The following JAM2 variants were observed in gnomAD, a reference collection of about 807,000 sequenced individuals.
JAM2 encodes junctional adhesion molecule B.
Under a neutral mutation model 42.0 loss-of-function variants are expected in JAM2, and 17 were observed. That is an observed-to-expected ratio of 0.40 (90% confidence interval 0.28 to 0.61). The LOEUF (loss-of-function observed/expected upper bound fraction) is 0.61, where lower values mean the gene tolerates loss of function less well. Ranked by LOEUF, JAM2 falls within the 20% of genes least tolerant of loss-of-function variation. The pLI is 0.37. For synonymous variants in JAM2, 118 were observed against 128.6 expected (o/e 0.92, Z 0.56); for missense variants, 319 against 358.3 (o/e 0.89, Z 0.89).
intron 4 of JAM2, among the ~76,000 whole-genome samples, chr21:25,695,059 T>C (rs1403496496): frequency 1.3e-5 from 2 of 151,376 alleles, no homozygotes; most frequent in Admixed American, 6.6e-5. Context: ...AGGACAATAG[T>C]GGAGGGAAGG....
chr21:25,647,018 G>T (rs1279552235), intron 1 of JAM2, among the ~76,000 whole-genome samples: 1 of 152,148 alleles, frequency 6.6e-6, no homozygotes, highest in Non-Finnish European at 1.5e-5. Flanking sequence ...GCATAACCTG[G>T]TCTGTCTTCT....
chr21:25,673,129 C>T (rs573881834), intron 1 of JAM2, among the ~76,000 whole-genome samples: 4 of 152,294 alleles, frequency 2.6e-5, no homozygotes, highest in Admixed American at 1.3e-4. Context: ...ATGAGGAGTG[C>T]CTGGTGAGAC....
At chr21:25,694,872 C>T (rs191793757) in intron 4 of JAM2, among the ~76,000 whole-genome samples, 2 of 150,740 alleles carry the variant, frequency 1.3e-5, no homozygotes, top group African/African-American at 4.9e-5. Context: ...CTGATAGTAA[C>T]AGCTCAAGAT....
Position 25,639,855 on chromosome 21 carries a change from C to T in JAM2, c.34C>T (p.Leu12=). The change falls in exon 1 of 10, where the codon CTG becomes TTG. Residue 12 remains leucine, a synonymous_variant. Coordinates refer to ENST00000480456, the MANE Select transcript of JAM2 (RefSeq NM_021219.4). Reference sequence around the variant, plus strand: ...GAGGAGCCGCCACCGCCTCCTCCTGCTGCTGCTGCGCTACCTGGTGGTCGC... The same window carrying T: ...GAGGAGCCGCCACCGCCTCCTCCTGTTGCTGCTGCGCTACCTGGTGGTCGC... ...ARRSRHRLLL[L]LLRYLVVALG... The T allele has an allele frequency of 6.3e-6, 10 of 1,595,164 alleles. No homozygotes were observed. Among genetic ancestry groups the T allele is most frequent in the Non-Finnish European group, 8.5e-6 (10 of 1,172,450 alleles).
intron 1 of JAM2, among the ~76,000 whole-genome samples, chr21:25,676,787 G>T (rs1006441750): frequency 6.6e-6 from 1 of 152,126 alleles, no homozygotes; most frequent in Non-Finnish European, 1.5e-5. Context: ...GCCAACAGGG[G>T]CTATACCTAA....
At chr21:25,710,716 G>C (rs2034366771) in intron 8 of JAM2, among the ~76,000 whole-genome samples, 1 of 152,214 alleles carries the variant, frequency 6.6e-6, no homozygotes, top group South Asian at 2.1e-4. Flanking sequence ...AAGTAGCGGT[G>C]GGGGCAGATT....
intron 8 of JAM2, 150 bp downstream of exon 8, chr21:25,709,599 G>A (rs78893399): frequency 4.2e-6 from 2 of 481,662 alleles, no homozygotes; most frequent in Admixed American, 3.1e-5. Flanking sequence ...AAATACATCT[G>A]TATTAGGCTG....
intron 1 of JAM2, among the ~76,000 whole-genome samples, chr21:25,657,193 T>G (rs1600999703): frequency 6.6e-6 from 1 of 152,338 alleles, no homozygotes; most frequent in East Asian, 1.9e-4. Context: ...ATTTATTTTT[T>G]TGTAGAGATG....
chr21:25,656,258 A>AT (rs1295819616), intron 1 of JAM2, among the ~76,000 whole-genome samples: 1 of 152,232 alleles, frequency 6.6e-6, no homozygotes, highest in African/African-American at 2.4e-5. Context: ...GACTGGTTCC[A>AT]TCAAGGTCCT....
rs190563861 is a variant in JAM2 at position 25,693,625 on chromosome 21, T to C, written c.242-131T>C. 7.7e-5 allele frequency: 60 copies of C among 776,506 alleles called. No homozygotes were observed. The East Asian group carries it at 1.5e-3, about 20-fold the overall frequency. 48.1% of individuals were successfully genotyped at this position (776,506 alleles called of 1,614,324 possible). ...AAATAACAGCATCTATATACAACTTTTAGGCTTTAAACTTGAGTTTATTAA... is the reference window on the plus strand; with the variant it reads ...AAATAACAGCATCTATATACAACTTCTAGGCTTTAAACTTGAGTTTATTAA... On this transcript the variant is annotated intron_variant, in intron 3 of 9. Coordinates refer to ENST00000480456, the MANE Select transcript of JAM2 (RefSeq NM_021219.4).
At chr21:25,693,938 C>CT in intron 4 of JAM2, 30 bp downstream of exon 4, 1 of 1,604,684 alleles carries the variant, frequency 6.2e-7, no homozygotes, top group Non-Finnish European at 8.5e-7. Context: ...GTGACTACGT[C>CT]TCCCACTCCT....
chr21:25,691,418 C>T (rs2033878450), intron 3 of JAM2, among the ~76,000 whole-genome samples: 2 of 152,160 alleles, frequency 1.3e-5, no homozygotes, highest in African/African-American at 4.8e-5. Context: ...GAGATGAGAT[C>T]TGGCCATGTT....
chr21:25,688,421 T>C (rs949866065), intron 2 of JAM2, among the ~76,000 whole-genome samples: 1 of 152,220 alleles, frequency 6.6e-6, no homozygotes, highest in African/African-American at 2.4e-5. Flanking sequence ...TGTTTAATTG[T>C]TGGAAACTCA....
At chr21:25,677,985 G>A (rs185893838) in intron 1 of JAM2, among the ~76,000 whole-genome samples, 144 of 152,290 alleles carry the variant, frequency 9.5e-4, no homozygotes, top group South Asian at 1.9e-3. Context: ...AGGCGCGGTG[G>A]CACTTTGGCA....
At chr21:25,650,312 C>A (rs769343157) in intron 1 of JAM2, among the ~76,000 whole-genome samples, 2 of 152,126 alleles carry the variant, frequency 1.3e-5, no homozygotes, top group Non-Finnish European at 2.9e-5. Context: ...CAGTTTTAGC[C>A]GTTACTTTTA....
At chr21:25,709,319 A>G in intron 7 of JAM2, 115 bp from the exon 8 acceptor site, 1 of 582,908 alleles carries the variant, frequency 1.7e-6, no homozygotes. Context: ...TATAAACGTC[A>G]GCAAGTGAAG....
chr21:25,700,480 C>T (rs1337103505), intron 5 of JAM2, among the ~76,000 whole-genome samples: 1 of 152,172 alleles, frequency 6.6e-6, no homozygotes, highest in Non-Finnish European at 1.5e-5. Context: ...CCTGCCTCAG[C>T]CTCCAGAGTA....
intron 1 of JAM2, among the ~76,000 whole-genome samples, chr21:25,682,504 C>G (rs2033658189): frequency 6.6e-6 from 1 of 152,212 alleles, no homozygotes; most frequent in African/African-American, 2.4e-5. Context: ...CTGTAGCCAC[C>G]GCTGCTTGAA....
At chr21:25,679,726 C>G (rs1478789705) in intron 1 of JAM2, among the ~76,000 whole-genome samples, 1 of 152,218 alleles carries the variant, frequency 6.6e-6, no homozygotes, top group Non-Finnish European at 1.5e-5. Flanking sequence ...TGCTTCAGAG[C>G]CAGTCTTTTG....
Sources: gnomAD v4.1 joint callset for allele counts (sites outside exome capture counted in the v4.1 genomes callset) on GRCh38, gnomAD v4.1.1 for gene constraint, MANE v1.5 for transcripts, NCBI Gene and HGNC (gene_info 2026-07-23, HGNC 2026-07-21) for gene names.